Variants in GGA2 observed in about 807,000 individuals in gnomAD.
GGA2 encodes golgi associated, gamma adaptin ear containing, ARF binding protein 2.
GGA2 carries 48 observed loss-of-function variants against 79.5 expected under a neutral mutation model. The ratio of observed to expected loss-of-function variants is 0.60; its 90% CI spans 0.48 to 0.77. GGA2 has a LOEUF of 0.77. Among genes scored for constraint, GGA2 ranks in the 30% least tolerant of loss-of-function variants. GGA2 has a pLI of 0.00. For missense variants in GGA2, 770 were observed against 774.0 expected, an observed-to-expected ratio of 0.99 and a Z score of 0.06; for synonymous variants, 317 against 302.0, an observed-to-expected ratio of 1.05 and a Z score of -0.51.
intron 14 of GGA2, among the ~76,000 whole-genome samples, chr16:23,474,508 C>A (rs1481827197): frequency 1.3e-5 from 2 of 151,976 alleles, no homozygotes; most frequent in Non-Finnish European, 2.9e-5. Flanking sequence ...CAGGCATGCA[C>A]CACCATGTCC....
At chr16:23,519,042 T>C (rs1446247012) in intron 2 of GGA2, among the ~76,000 whole-genome samples, 1 of 4,262 alleles carries the variant, frequency 2.3e-4, no homozygotes, top group Non-Finnish European at 4.8e-4. Flanking sequence ...GGATACTGTC[T>C]TTTTTTTTTT....
At chr16:23,480,153 G>T in intron 10 of GGA2, 1 of 435,658 alleles carries the variant, frequency 2.3e-6, no homozygotes. Context: ...AGCAGATTCG[G>T]CCTTCTCCAG....
Position 23,485,197 on chromosome 16 carries a change from G to A in GGA2, c.798+818C>T, listed in dbSNP as rs547357398. ...CCAAATAAGCAAATCCAGAGAGACA[G>A]AAAGTGGATTAGTGGTTGCCAGGGA... On this transcript the variant is annotated intron_variant, in intron 8 of 16. Transcript: ENST00000309859. Among the ~76,000 whole-genome samples, 5 of 152,358 alleles carry A rather than the reference G, an allele frequency of 3.3e-5. No homozygotes were observed. The South Asian group carries it at 1.0e-3, about 32-fold the overall frequency.
At chr16:23,490,398 C>T (rs1964767178) in intron 5 of GGA2, among the ~76,000 whole-genome samples, 1 of 152,182 alleles carries the variant, frequency 6.6e-6, no homozygotes, top group South Asian at 2.1e-4. Flanking sequence ...ACCAAAATAT[C>T]ACATTGTACT....
chr16:23,467,788 A>G (rs1964460673), intron 16 of GGA2, 88 bp from the exon 17 acceptor site: 4 of 732,190 alleles, frequency 5.5e-6, no homozygotes, highest in Middle Eastern at 2.3e-4. Context: ...TGTTTCAAAC[A>G]ATTCTGACAC....
Position 23,470,040 on chromosome 16 carries a change from G to A in GGA2, c.1576C>T (p.Pro526Ser), listed in dbSNP as rs967971570. 3 of 1,599,334 alleles carry A rather than the reference G, an allele frequency of 1.9e-6. No homozygotes were observed. Among genetic ancestry groups the A allele is most frequent in the Non-Finnish European group, 2.6e-6 (3 of 1,173,070 alleles). ...AACATGATATCCCAGACAGGCTGGG[G>A]AGCCGTGCTCATCATGGTCAAGAGC... ...VLLLTMMSTA[P>S]QPVWDIMFQV... Residue 526 changes from proline (P) to serine (S), a missense_variant, in exon 15 of 17, where the codon CCC (proline) becomes TCC (serine). By Grantham distance (74) the Pro-to-Ser change is moderately conservative. Coordinates refer to ENST00000309859, the MANE Select transcript of GGA2 (RefSeq NM_015044.4).
chr16:23,515,531 A>T (rs1304351996), intron 2 of GGA2, among the ~76,000 whole-genome samples: 1 of 136,032 alleles, frequency 7.4e-6, no homozygotes, highest in Non-Finnish European at 1.5e-5. Flanking sequence ...CAGGAGGTGG[A>T]GGCTTCAGTG....
chr16:23,467,500 C>T lies in GGA2; in HGVS notation c.*90G>A, dbSNP rs1964455659. 1.4e-6 allele frequency: 1 copy of T among 720,768 alleles called. No individual in the cohort carries two copies. The highest frequency in any genetic ancestry group is 2.0e-5 in the Admixed American group (1 of 49,294). 44.6% of individuals were successfully genotyped at this position (720,768 alleles called of 1,614,324 possible). A position where few individuals can be genotyped will look rare whatever the true frequency, so the allele number is the denominator to read the frequency against. On this transcript the variant is annotated 3_prime_UTR_variant, in exon 17 of 17. Coordinates refer to ENST00000309859, the MANE Select transcript of GGA2 (RefSeq NM_015044.4). Reference sequence around the variant, plus strand: ...TGACGTCAGGATAGGACTCTTGGCACTCCGCACTGAAACACCGTGATTAGT... The same window carrying T: ...TGACGTCAGGATAGGACTCTTGGCATTCCGCACTGAAACACCGTGATTAGT...
intron 1 of GGA2, among the ~76,000 whole-genome samples, chr16:23,506,858 A>G (rs1453726210): frequency 6.8e-6 from 1 of 147,258 alleles, no homozygotes; most frequent in Non-Finnish European, 1.5e-5. Flanking sequence ...ACAGTCAGAA[A>G]AACAAAAGGT....
intron 8 of GGA2, among the ~76,000 whole-genome samples, chr16:23,483,699 T>C (rs1964677612): frequency 6.6e-6 from 1 of 151,742 alleles, no homozygotes; most frequent in East Asian, 2.0e-4. Flanking sequence ...CAGGCTGGAG[T>C]GCAATGGTGT....
Position 23,480,747 on chromosome 16 carries a change from G to A in GGA2, c.904C>T (p.Leu302Phe). The A allele has an allele frequency of 6.2e-7, 1 of 1,610,860 alleles. No homozygotes were observed. ...ALAEILQANDLLTQGVLLYKQ... is the reference protein window; with the variant it reads ...ALAEILQANDFLTQGVLLYKQ... ...TACAGCAGAACTCCTTGGGTGAGGA[G>A]GTCATTTGCCTGGAGAATTTCCGCT... The change falls in exon 10 of 17, where the codon CTC becomes TTC. Residue 302 changes from leucine to phenylalanine, a missense_variant. By Grantham distance (22) the Leu-to-Phe change is conservative (BLOSUM62 0). Transcript: ENST00000309859.
At chr16:23,516,804 G>T (rs1342122039) in intron 2 of GGA2, among the ~76,000 whole-genome samples, 1 of 149,330 alleles carries the variant, frequency 6.7e-6, no homozygotes, top group Admixed American at 6.6e-5. Flanking sequence ...CTAAAAATTT[G>T]GAAGTTGAGT....
intron 9 of GGA2, among the ~76,000 whole-genome samples, chr16:23,481,736 C>T (rs962718237): frequency 3.9e-5 from 6 of 151,936 alleles, no homozygotes; most frequent in African/African-American, 9.7e-5. Flanking sequence ...GAGCTGAGCA[C>T]GCCACTGGAC....
intron 5 of GGA2, 69 bp downstream of exon 5, chr16:23,491,607 AG>A: frequency 2.1e-6 from 3 of 1,458,116 alleles, no homozygotes; most frequent in Non-Finnish European, 2.9e-6. Context: ...AAAAATTATA[AG>A]GCAGATGAAA....
chr16:23,524,230 G>C (rs1008590057), upstream of GGA2: 9 of 747,860 alleles, frequency 1.2e-5, no homozygotes, highest in Admixed American at 1.7e-4. Context: ...AAATGCACTT[G>C]TGTGCAGTCA....
intron 15 of GGA2, among the ~76,000 whole-genome samples, 154 bp downstream of exon 15, chr16:23,469,842 A>G (rs1331474112): frequency 6.6e-6 from 1 of 152,202 alleles, no homozygotes. Context: ...GATATTCAGG[A>G]ATCCCCAGTC....
intron 6 of GGA2, 54 bp downstream of exon 6, chr16:23,488,552 A>G: frequency 4.8e-6 from 5 of 1,033,370 alleles, no homozygotes; most frequent in Non-Finnish European, 7.6e-6. Flanking sequence ...AAGGGCATTT[A>G]CAGTGCCTAA....
At chr16:23,521,198 ATGT>A (rs1965139412) in intron 1 of GGA2, among the ~76,000 whole-genome samples, 2 of 152,314 alleles carry the variant, frequency 1.3e-5, no homozygotes, top group East Asian at 3.9e-4. Context: ...TATCTTTATA[ATGT>A]TGTGCAATTA....
chr16:23,513,137 TAC>T (rs1243891797), upstream of GGA2, among the ~76,000 whole-genome samples: 3 of 152,246 alleles, frequency 2.0e-5, no homozygotes, highest in East Asian at 3.8e-4. Context: ...GCATGAGCTC[TAC>T]AGTTTGCCAA....
Sources: allele counts gnomAD v4.1 joint callset (sites outside exome capture counted in the v4.1 genomes callset), GRCh38; gene constraint gnomAD v4.1.1; transcripts MANE v1.5; gene names NCBI Gene and HGNC (gene_info 2026-07-23, HGNC 2026-07-21).